Variants in DNAH5 observed in about 807,000 individuals in gnomAD.
DNAH5 encodes the protein axonemal beta dynein heavy chain 5.
A neutral mutation model predicts 518.2 loss-of-function variants in DNAH5; 372 were observed. The observed-to-expected ratio is 0.72, with a 90% CI of 0.66 to 0.78. The LOEUF (loss-of-function observed/expected upper bound fraction) is 0.78. Ranked by LOEUF, DNAH5 falls within the 30% of genes least tolerant of loss-of-function variation. DNAH5 has a pLI of 0.00. For synonymous variants in DNAH5, 2,039 were observed against 2,025.9 expected (o/e 1.01, Z -0.17); for missense variants, 5,523 against 5,687.0 (o/e 0.97, Z 0.93).
chr5:13,865,581 T>G, intron 27 of DNAH5, 87 bp downstream of exon 27: 1 of 834,518 alleles, frequency 1.2e-6, no homozygotes, highest in Non-Finnish European at 2.1e-6. Flanking sequence ...TTGAAATAGC[T>G]GGGGTGAAAA....
At chr5:13,824,404 A>G in intron 38 of DNAH5, 71 bp from the exon 39 acceptor site, 1 of 1,432,966 alleles carries the variant, frequency 7.0e-7, no homozygotes, top group Non-Finnish European at 9.8e-7. Context: ...TGAATCTGAC[A>G]GAAATTATAT....
At chr5:13,892,286 GA>G (rs1210294868) in intron 16 of DNAH5, among the ~76,000 whole-genome samples, 1 of 152,212 alleles carries the variant, frequency 6.6e-6, no homozygotes. Flanking sequence ...GTGTTAAGCT[GA>G]AAAAAATAGT....
In DNAH5 at chr5:13,867,983, C is replaced by A. The variant is rs1769530651; in HGVS notation, c.3844G>T (p.Ala1282Ser). 6.2e-7 allele frequency: 1 copy of A among 1,603,564 alleles called. No individual in the cohort carries two copies. The highest frequency in any genetic ancestry group is 1.4e-5 in the African/African-American group (1 of 72,950). The change falls in exon 25 of 79, where the codon GCC becomes TCC. Residue 1282 changes from alanine to serine, a missense_variant. Transcript: ENST00000265104. ...FQVGPIEESY[A>S]LLNRYGLLIA... is the part of the protein sequence containing the mutation. Reference sequence around the variant, plus strand: ...AGAAGTCCATATCTGTTAAGCAGGGCATAAGATTCCTAAAAAAAAATAGGA... The same window carrying A: ...AGAAGTCCATATCTGTTAAGCAGGGAATAAGATTCCTAAAAAAAAATAGGA...
chr5:13,765,585 T>C (rs1249190301), intron 59 of DNAH5, among the ~76,000 whole-genome samples: 1 of 152,194 alleles, frequency 6.6e-6, no homozygotes, highest in Non-Finnish European at 1.5e-5. Flanking sequence ...CATCAAGTTA[T>C]ACATTTAAAA....
chr5:13,826,558 C>T (rs978274437), intron 38 of DNAH5, among the ~76,000 whole-genome samples: 3 of 152,190 alleles, frequency 2.0e-5, no homozygotes, highest in African/African-American at 7.2e-5. Flanking sequence ...CTTCACTCAG[C>T]ACTTCTCCTT....
chr5:13,955,128 T>C (rs1780672496), intron 1 of DNAH5, among the ~76,000 whole-genome samples: 1 of 152,124 alleles, frequency 6.6e-6, no homozygotes, highest in South Asian at 2.1e-4. Flanking sequence ...TTCTAATGGT[T>C]TAGCACCGTC....
intron 1 of DNAH5, 39 bp downstream of exon 1, chr5:13,944,343 C>T (rs1274518167): frequency 6.2e-7 from 1 of 1,603,738 alleles, no homozygotes; most frequent in Non-Finnish European, 8.5e-7. Flanking sequence ...GATGATAATC[C>T]AAAACACACA....
chr5:13,879,235 C>T (rs2151933122), intron 21 of DNAH5, among the ~76,000 whole-genome samples: 1 of 152,222 alleles, frequency 6.6e-6, no homozygotes, highest in South Asian at 2.1e-4. Flanking sequence ...AATAAATCTC[C>T]AGAAACTGTT....
rs776985428 is a variant in DNAH5, at chr5:13,777,316, A to C, written c.8991T>G (p.Val2997=). ...CTTGCTGACCAGCTGTTCGATACAA[A>C]ACCTTCAGATCTTCCATCAGATTTG... The part of the protein sequence containing the change: ...NTSNLMEDLK[V]LYRTAGQQGK... The change falls in exon 54 of 79, where the codon GTT becomes GTG. Residue 2997 remains valine, a synonymous_variant. Coordinates refer to ENST00000265104, the MANE Select transcript of DNAH5 (RefSeq NM_001369.3). The C allele has an allele frequency of 1.2e-6, 2 of 1,613,512 alleles. No homozygotes were observed. Among genetic ancestry groups the C allele is most frequent in the Non-Finnish European group, 1.7e-6 (2 of 1,179,660 alleles).
At position 13,829,521 on chromosome 5, in the gene DNAH5, G is replaced by A. The variant is rs1213657126; in HGVS notation, c.6433C>T (p.Leu2145Phe). Residue 2145 changes from leucine (L) to phenylalanine (F), a missense_variant, in exon 38 of 79, where the codon CTT (leucine) becomes TTT (phenylalanine). Around this residue, in one of 3 missense-constraint regions of DNAH5, gnomAD observed 5,121 missense variants for 5,223.3 expected, o/e 0.98. Coordinates refer to ENST00000265104, the MANE Select transcript of DNAH5 (RefSeq NM_001369.3). Reference sequence around the variant, plus strand: ...CCAGGATGACACACCTGCTTAGAAAGCTGCTCCTCACACAGTTTGTAGAGC... The same window carrying A: ...CCAGGATGACACACCTGCTTAGAAAACTGCTCCTCACACAGTTTGTAGAGC... ...FTLYKLCEEQ[L>F]SKQVHYDFGL... 4 of 1,614,130 alleles carry A rather than the reference G, an allele frequency of 2.5e-6. No individual in the cohort carries two copies. The highest frequency in any genetic ancestry group is 3.4e-6 in the Non-Finnish European group (4 of 1,180,012).
chr5:13,932,789 G>C (rs1471580010), intron 1 of DNAH5, among the ~76,000 whole-genome samples: 3 of 152,174 alleles, frequency 2.0e-5, no homozygotes, highest in Non-Finnish European at 4.4e-5. Context: ...TTCATCAAGA[G>C]GAACAAGTTG....
chr5:13,868,526 T>G (rs2151914998), intron 24 of DNAH5, among the ~76,000 whole-genome samples: 1 of 152,324 alleles, frequency 6.6e-6, no homozygotes, highest in East Asian at 1.9e-4. Flanking sequence ...ATGGCTTTCT[T>G]CTCTAAAAGG....
intron 38 of DNAH5, among the ~76,000 whole-genome samples, chr5:13,827,697 G>A (rs1030628525): frequency 2.0e-5 from 3 of 151,792 alleles, no homozygotes; most frequent in African/African-American, 7.3e-5. Context: ...GGGGCCAGGG[G>A]CAAAATGATA....
intron 75 of DNAH5, among the ~76,000 whole-genome samples, chr5:13,710,394 C>T (rs1431460099): frequency 5.3e-5 from 8 of 152,064 alleles, no homozygotes; most frequent in Admixed American, 4.6e-4. Flanking sequence ...GGTAATATGA[C>T]AAAAATTGAC....
At chr5:13,894,287 C>T (rs565674349) in intron 16 of DNAH5, among the ~76,000 whole-genome samples, 2 of 152,188 alleles carry the variant, frequency 1.3e-5, no homozygotes, top group South Asian at 4.1e-4. Flanking sequence ...CCCATTTATC[C>T]TGTTGTTCAG....
At chr5:13,735,980 A>G (rs1203347194) in intron 66 of DNAH5, 48 bp from the exon 67 acceptor site, 2 of 1,450,984 alleles carry the variant, frequency 1.4e-6, no homozygotes, top group South Asian at 2.3e-5. Context: ...GAGGAAAATA[A>G]ATGATCCATG....
Position 13,829,386 on chromosome 5 carries a change from T to C in DNAH5, c.6444+124A>G. The C allele has an allele frequency of 6.7e-6, 6 of 891,148 alleles. No homozygotes were observed. In the South Asian group the frequency reaches 7.4e-5, roughly 11 times the overall value. 55.2% of individuals were successfully genotyped at this position (891,148 alleles called of 1,614,324 possible). ...AATTATTTTTGTAGTAATACACCTT[T>C]CTACTCAGTGTCAATAAAATCCTTT... is the stretch of plus-strand genomic sequence containing the variant. On this transcript the variant is annotated intron_variant, in intron 38 of 78. Coordinates refer to ENST00000265104, the MANE Select transcript of DNAH5 (RefSeq NM_001369.3).
intron 44 of DNAH5, 78 bp downstream of exon 44, chr5:13,811,567 AAG>A (rs1357463676): frequency 2.2e-6 from 3 of 1,360,602 alleles, no homozygotes; most frequent in African/African-American, 2.9e-5. Flanking sequence ...CTACATTAAT[AAG>A]AGAGAAAATA....
intron 1 of DNAH5, among the ~76,000 whole-genome samples, chr5:13,973,767 G>T (rs1350312386): frequency 6.6e-6 from 1 of 150,834 alleles, no homozygotes. Flanking sequence ...AACCAAAGAA[G>T]GTCATAAACA....
Sources: gnomAD v4.1 joint callset for allele counts (sites outside exome capture counted in the v4.1 genomes callset) on GRCh38, gnomAD v4.1.1 for gene constraint, gnomAD v4.1.1 regional missense constraint, MANE v1.5 for transcripts, NCBI Gene and HGNC (gene_info 2026-07-23, HGNC 2026-07-21) for gene names.